Variants in NAV2 observed in about 807,000 individuals in gnomAD.
NAV2 encodes helicase, APC down-regulated 1.
A neutral mutation model predicts 223.2 loss-of-function variants in NAV2; 54 were observed. That is an observed-to-expected ratio of 0.24 (90% CI 0.19 to 0.30). The LOEUF (loss-of-function observed/expected upper bound fraction) is 0.30, where lower values mean the gene tolerates loss of function less well. Ranked by LOEUF, NAV2 falls within the 10% of genes least tolerant of loss-of-function variation. NAV2 has a pLI of 1.00. For synonymous variants in NAV2, 1,279 were observed against 1,239.3 expected, an observed-to-expected ratio of 1.03 and a Z score of -0.67; for missense variants, 2,806 against 3,147.5, an observed-to-expected ratio of 0.89 and a Z score of 2.60.
At chr11:19,507,053 C>T (rs1214983601) in intron 1 of NAV2, 1 of 152,160 alleles carries the variant, frequency 6.6e-6, no homozygotes, top group Non-Finnish European at 1.5e-5. Flanking sequence ...TTCTATTCTC[C>T]CCAGCAACCT....
At chr11:19,984,092 A>T in intron 10 of NAV2, 33 bp from the exon 11 acceptor site, 1 of 1,613,738 alleles carries the variant, frequency 6.2e-7, no homozygotes, top group South Asian at 1.1e-5. Flanking sequence ...TGCTTTGGAC[A>T]TTCATGTGCA....
At chr11:19,781,746 A>G (rs1224314260) in intron 1 of NAV2, among the ~76,000 whole-genome samples, 3 of 138,722 alleles carry the variant, frequency 2.2e-5, no homozygotes, top group Non-Finnish European at 3.0e-5. Context: ...TTAAAAGACA[A>G]ATGCTCCTTT....
intron 1 of NAV2, among the ~76,000 whole-genome samples, chr11:19,564,669 CG>C (rs750825321): frequency 5.2e-5 from 7 of 134,380 alleles, no homozygotes; most frequent in Non-Finnish European, 1.0e-4. Flanking sequence ...CCCTTCCTGC[CG>C]TCCCCTAGAA....
chr11:19,588,766 A>T (rs1465147560), intron 1 of NAV2, among the ~76,000 whole-genome samples: 1 of 152,240 alleles, frequency 6.6e-6, no homozygotes, highest in Admixed American at 6.5e-5. Flanking sequence ...AATGGTAGCT[A>T]TCTCTAAGAA....
At chr11:19,794,047 C>G (rs936301383) in intron 1 of NAV2, among the ~76,000 whole-genome samples, 2 of 152,172 alleles carry the variant, frequency 1.3e-5, no homozygotes, top group African/African-American at 4.8e-5. Context: ...ACTTGTTTAT[C>G]ATCTGCCTCA....
intron 1 of NAV2, among the ~76,000 whole-genome samples, chr11:19,561,711 T>A (rs1392275909): frequency 6.6e-6 from 1 of 152,226 alleles, no homozygotes; most frequent in Non-Finnish European, 1.5e-5. Context: ...AGATTTCTGC[T>A]TCTTATACCA....
chr11:19,944,696 T>TTC (rs1565613417), intron 8 of NAV2, among the ~76,000 whole-genome samples: 42 of 144,424 alleles, frequency 2.9e-4, no homozygotes, highest in African/African-American at 1.1e-3. Flanking sequence ...TTTCTTTCTT[T>TTC]CTTCCTTCTT....
chr11:20,067,025 G>A (rs1170627069), intron 20 of NAV2, among the ~76,000 whole-genome samples: 1 of 152,184 alleles, frequency 6.6e-6, no homozygotes, highest in Non-Finnish European at 1.5e-5. Context: ...TGTGGGAGGA[G>A]AGAGGGTCTT....
At chr11:19,421,161 C>T (rs995037624) in intron 1 of NAV2, among the ~76,000 whole-genome samples, 4 of 152,168 alleles carry the variant, frequency 2.6e-5, no homozygotes, top group African/African-American at 7.2e-5. Flanking sequence ...TTCATGTTCA[C>T]CTGCCCCAAG....
intron 26 of NAV2, among the ~76,000 whole-genome samples, chr11:20,089,442 A>C (rs554137768): frequency 6.2e-4 from 95 of 152,304 alleles, no homozygotes; most frequent in Middle Eastern, 3.4e-3. Context: ...GGGAATTAAA[A>C]TTTCCACACC....
chr11:19,389,800 T>A (rs1849178707), intron 1 of NAV2, among the ~76,000 whole-genome samples: 1 of 152,226 alleles, frequency 6.6e-6, no homozygotes, highest in African/African-American at 2.4e-5. Context: ...CTAGGCCTCT[T>A]GAACTTCCCT....
chr11:19,633,885 C>G (rs756694565), intron 1 of NAV2, among the ~76,000 whole-genome samples: 2 of 152,234 alleles, frequency 1.3e-5, no homozygotes, highest in Non-Finnish European at 2.9e-5. Flanking sequence ...AGTCACTTAA[C>G]TTCTCTGAGC....
chr11:19,864,864 C>T (rs1356921632), intron 3 of NAV2, among the ~76,000 whole-genome samples: 2 of 152,164 alleles, frequency 1.3e-5, no homozygotes, highest in Non-Finnish European at 2.9e-5. Context: ...CACTCAACAC[C>T]TCTCTGCTCC....
chr11:19,889,649 A>G (rs543152691), intron 5 of NAV2, among the ~76,000 whole-genome samples: 39 of 152,310 alleles, frequency 2.6e-4, no homozygotes, highest in African/African-American at 8.9e-4. Context: ...TGCTCCCATC[A>G]AAAGAGTAGC....
intron 1 of NAV2, among the ~76,000 whole-genome samples, chr11:19,738,662 A>G (rs2052542115): frequency 6.6e-6 from 1 of 152,158 alleles, no homozygotes; most frequent in Non-Finnish European, 1.5e-5. Context: ...GGCCATTGTG[A>G]GGAGAGCTCA....
At chr11:19,486,719 T>C (rs2134040640) in intron 1 of NAV2, among the ~76,000 whole-genome samples, 1 of 152,322 alleles carries the variant, frequency 6.6e-6, no homozygotes, top group East Asian at 1.9e-4. Flanking sequence ...TGGGTAGTTC[T>C]TTATAGCAGT....
intron 1 of NAV2, among the ~76,000 whole-genome samples, chr11:19,443,486 C>T (rs977170482): frequency 2.0e-5 from 3 of 152,230 alleles, no homozygotes; most frequent in Non-Finnish European, 4.4e-5. Flanking sequence ...CAGAAAGTCC[C>T]ACATGCTGAG....
At chr11:19,904,691 A>C (rs1187935601) in intron 6 of NAV2, among the ~76,000 whole-genome samples, 2 of 152,234 alleles carry the variant, frequency 1.3e-5, no homozygotes, top group African/African-American at 4.8e-5. Context: ...AAAGTAAAAA[A>C]AAAATACAGG....
intron 1 of NAV2, among the ~76,000 whole-genome samples, chr11:19,532,262 G>C (rs1271444348): frequency 1.3e-5 from 2 of 152,166 alleles, no homozygotes; most frequent in African/African-American, 4.8e-5. Flanking sequence ...TTGTAACACA[G>C]GGCATCACCC....
Sources: gnomAD v4.1 joint callset for allele counts (sites outside exome capture counted in the v4.1 genomes callset) on GRCh38, gnomAD v4.1.1 for gene constraint, MANE v1.5 for transcripts, NCBI Gene and HGNC (gene_info 2026-07-23, HGNC 2026-07-21) for gene names.